The following XCR1 variants were observed in gnomAD, a reference collection of about 807,000 sequenced individuals.
XCR1 encodes the protein chemokine XC receptor 1.
For synonymous variants in XCR1, 187 were observed against 188.5 expected (o/e 0.99, Z 0.06); for missense variants, 356 against 424.2 (o/e 0.84, Z 1.41).
intron 4 of XCR1, among the ~76,000 whole-genome samples, chr3:46,054,496 T>A (rs1391734448): frequency 2.0e-5 from 3 of 150,596 alleles, no homozygotes; most frequent in South Asian, 2.1e-4. Context: ...AAATAATGTG[T>A]ACACAAGAGT....
intron 5 of XCR1, among the ~76,000 whole-genome samples, chr3:46,053,838 C>G (rs1575427597): frequency 1.3e-5 from 2 of 152,052 alleles, no homozygotes; most frequent in Admixed American, 1.3e-4. Flanking sequence ...CAATTCTGCC[C>G]CATGTTACCC....
intron 5 of XCR1, among the ~76,000 whole-genome samples, chr3:46,046,291 A>C (rs1183156203): frequency 6.6e-6 from 1 of 152,216 alleles, no homozygotes; most frequent in African/African-American, 2.4e-5. Flanking sequence ...AGCTTTACAC[A>C]GCCCTCCATA....
At chr3:46,041,707 T>C (rs897097550) in intron 5 of XCR1, among the ~76,000 whole-genome samples, 1 of 152,186 alleles carries the variant, frequency 6.6e-6, no homozygotes, top group Admixed American at 6.5e-5. Flanking sequence ...AACTTACATT[T>C]GTTTTAGCTG....
At chr3:46,072,924 T>C (rs547854951) in intron 3 of XCR1, among the ~76,000 whole-genome samples, 2 of 152,246 alleles carry the variant, frequency 1.3e-5, no homozygotes, top group South Asian at 4.1e-4. Flanking sequence ...AAGGTAGACA[T>C]ATAGATCAGT....
chr3:46,023,621 C>T lies in XCR1; in HGVS notation c.-31-1643G>A, dbSNP rs935810317. On this transcript the variant is annotated intron_variant, in intron 1 of 1. Transcript: ENST00000309285. Reference sequence around the variant, plus strand: ...TCTCACAAACTCTCTGCCGAGGATGCGGAGGGCCAGAGCCCCCTTTCTCAG... The same window carrying T: ...TCTCACAAACTCTCTGCCGAGGATGTGGAGGGCCAGAGCCCCCTTTCTCAG... 1.3e-5 allele frequency: 17 copies of T among 1,347,790 alleles called. No homozygotes were observed. The East Asian group carries it at 1.6e-4, about 13-fold the overall frequency. The allele number at this position is 1,347,790 out of a possible 1,614,324, so 83.5% of individuals were successfully genotyped here. A position where few individuals can be genotyped will look rare whatever the true frequency, so the allele number is the denominator to read the frequency against.
upstream of XCR1, among the ~76,000 whole-genome samples, chr3:46,030,673 C>G (rs542776687): frequency 3.9e-5 from 6 of 152,352 alleles, no homozygotes; most frequent in Admixed American, 1.3e-4. Context: ...CTGCTACCAT[C>G]ATGCCAGCTG....
intron 3 of XCR1, among the ~76,000 whole-genome samples, chr3:46,068,529 G>A (rs2125902307): frequency 6.6e-6 from 1 of 152,276 alleles, no homozygotes; most frequent in East Asian, 1.9e-4. Context: ...TTGGGGAAGT[G>A]TTGTCAACTT....
At chr3:46,040,610 C>T (rs6773335) in intron 5 of XCR1, among the ~76,000 whole-genome samples, 69,456 of 151,840 alleles carry the variant, frequency 0.46, 18,409 homozygotes, top group African/African-American at 0.74. Flanking sequence ...GTAATAATTA[C>T]GATTATTATG....
chr3:46,052,729 G>A (rs969260008), intron 5 of XCR1, among the ~76,000 whole-genome samples: 12 of 152,182 alleles, frequency 7.9e-5, no homozygotes, highest in East Asian at 1.9e-4. Flanking sequence ...GTGCCAGTGC[G>A]CGTTCATAAT....
intron 5 of XCR1, among the ~76,000 whole-genome samples, chr3:46,043,197 T>C (rs1202158475): frequency 1.3e-5 from 2 of 152,022 alleles, no homozygotes; most frequent in Non-Finnish European, 2.9e-5. Context: ...CCCCAGCACT[T>C]TGGGAGGCTG....
rs576382687 is a variant in XCR1, at chr3:46,065,615, C to T, written c.-183+1284G>A. On this transcript the variant is annotated intron_variant, in intron 4 of 5. Coordinates refer to the XCR1 transcript ENST00000683768. ...CCCAACCACACACAGCCCACTTACA[C>T]GGCATCACCAATTAGAGTTGGGGAA... 6.6e-5 allele frequency among the ~76,000 whole-genome samples: 10 copies of T among 152,340 alleles called. 1 individual carries two copies. Among genetic ancestry groups the T allele is most frequent in the Middle Eastern group, 6.8e-3 (2 of 292 alleles).
At chr3:46,070,706 T>G (rs1250057706) in intron 3 of XCR1, among the ~76,000 whole-genome samples, 4 of 152,110 alleles carry the variant, frequency 2.6e-5, no homozygotes, top group Non-Finnish European at 4.4e-5. Flanking sequence ...TTTGATCTTG[T>G]TTTTTTAATC....
At chr3:46,031,011 A>C (rs1450523083), upstream of XCR1, among the ~76,000 whole-genome samples, 1 of 152,250 alleles carries the variant, frequency 6.6e-6, no homozygotes, top group African/African-American at 2.4e-5. Flanking sequence ...GCCCAGAACC[A>C]CTGTGGGGAA....
rs1005931555 is a variant in XCR1 at position 46,020,754 on chromosome 3, G to A, written c.*192C>T. On this transcript the variant is annotated 3_prime_UTR_variant, in exon 2 of 2. Transcript: ENST00000309285. ...ATGGCAGTATAAAATTCCCAGGTAG[G>A]AAGCCACTTTCCCGCAGATGAGAGG... The A allele has an allele frequency of 2.7e-6, 2 of 744,300 alleles. No individual in the cohort carries two copies. Among genetic ancestry groups the A allele is most frequent in the Middle Eastern group, 3.8e-4 (1 of 2,604 alleles). 46.1% of individuals were successfully genotyped at this position (744,300 alleles called of 1,614,324 possible). A position where few individuals can be genotyped will look rare whatever the true frequency, so the allele number is the denominator to read the frequency against.
intron 3 of XCR1, among the ~76,000 whole-genome samples, chr3:46,067,815 T>G (rs1003917071): frequency 6.6e-6 from 1 of 152,088 alleles, no homozygotes; most frequent in Admixed American, 6.5e-5. Context: ...AAAGAGGACA[T>G]GCTGTGGAGG....
upstream of XCR1, chr3:46,027,635 G>C (rs1708323216): frequency 6.6e-6 from 1 of 152,140 alleles, no homozygotes; most frequent in Non-Finnish European, 1.5e-5. Flanking sequence ...ATCCTTGGTG[G>C]AACTCCTTCA....
intron 3 of XCR1, among the ~76,000 whole-genome samples, chr3:46,073,743 T>C (rs1376467370): frequency 6.6e-6 from 1 of 151,258 alleles, no homozygotes; most frequent in Non-Finnish European, 1.5e-5. Context: ...AAAATACAAA[T>C]AACCCCATTA....
chr3:46,052,056 T>C (rs1185434435), intron 5 of XCR1, among the ~76,000 whole-genome samples: 1 of 147,862 alleles, frequency 6.8e-6, no homozygotes, highest in Non-Finnish European at 1.5e-5. Context: ...AAAACTTGAA[T>C]TTCTCCTTCA....
rs1350298828 is a variant in XCR1, at chr3:46,017,415, C to T, written c.*3531G>A. On this transcript the variant is annotated 3_prime_UTR_variant, in exon 2 of 2. Transcript: ENST00000309285. ...CAAACAAAAAAGATGATGTTTAGGCCGGTGGGCCCCAGACAAGTTCACAAG... is the reference window on the plus strand; with the variant it reads ...CAAACAAAAAAGATGATGTTTAGGCTGGTGGGCCCCAGACAAGTTCACAAG... 2.0e-5 allele frequency: 3 copies of T among 152,306 alleles called. No homozygotes were observed. The highest frequency in any genetic ancestry group is 4.8e-5 in the African/African-American group (2 of 41,546). 9.4% of individuals were successfully genotyped at this position (152,306 alleles called of 1,614,324 possible).
Sources: allele counts gnomAD v4.1 joint callset (sites outside exome capture counted in the v4.1 genomes callset), GRCh38; gene constraint gnomAD v4.1.1; transcripts MANE v1.5; gene names NCBI Gene and HGNC (gene_info 2026-07-23, HGNC 2026-07-21).